Variants in PNMA6E observed in about 807,000 individuals in gnomAD.
The protein encoded by PNMA6E is paraneoplastic antigen Ma6E.
For synonymous variants in PNMA6E, 43 were observed against 17.1 expected, an observed-to-expected ratio of 2.52 and a Z score of -3.74; for missense variants, 78 against 50.8, an observed-to-expected ratio of 1.53 and a Z score of -1.63.
chrX:153,403,139 C>T (rs150228764), upstream of PNMA6E, among the ~76,000 whole-genome samples: 161 of 112,000 alleles, frequency 1.4e-3, no homozygotes, highest in African/African-American at 5.0e-3. Context: ...CATTCTCTCC[C>T]TTCTCTCCTA....
chrX:153,412,163 G>A, the PNMA6E span, among the ~76,000 whole-genome samples: 1 of 112,817 alleles, frequency 8.9e-6, no homozygotes, highest in African/African-American at 3.2e-5. Context: ...TCAGGTGGGG[G>A]CTGGTGCCTC....
the PNMA6E span, among the ~76,000 whole-genome samples, chrX:153,409,622 C>T: frequency 8.8e-6 from 1 of 113,184 alleles, no homozygotes; most frequent in Non-Finnish European, 1.9e-5. Context: ...GCGCTGCCGC[C>T]TCCACCACCA....
At chrX:153,411,422 T>G in the PNMA6E span, among the ~76,000 whole-genome samples, 1 of 102,146 alleles carries the variant, frequency 9.8e-6, no homozygotes, top group East Asian at 3.9e-4. Flanking sequence ...GCATGCTCCA[T>G]GCCCCCCCCA....
At position 153,397,464 on chromosome X, in the gene PNMA6E, G is replaced by A. The variant is rs782092407; in HGVS notation, c.1386C>T (p.Ser462=). ...LQQVLSWARP[S]EALQDTLRGM... ...CTCTCAGGGTATCCTGGAGTGCCTC[G>A]CTGGGGCGGGCCCAAGACAGCACCT... Residue 462 remains serine, a synonymous_variant, in exon 2 of 2, where the codon AGC becomes AGT. Transcript: ENST00000445091. The A allele has an allele frequency of 3.6e-4, 108 of 297,532 alleles. No individual in the cohort carries two copies. Among genetic ancestry groups the A allele is most frequent in the South Asian group, 2.0e-4 (1 of 5,013 alleles). 24.5% of individuals were successfully genotyped at this position (297,532 alleles called of 1,213,427 possible). A position where few individuals can be genotyped will look rare whatever the true frequency, so the allele number is the denominator to read the frequency against.
At chrX:153,401,784 GT>G (rs1323017549), upstream of PNMA6E, among the ~76,000 whole-genome samples, 2 of 100,375 alleles carry the variant, frequency 2.0e-5, no homozygotes, top group Non-Finnish European at 4.1e-5. Context: ...GTTTTGTTTT[GT>G]TTTTGTTTTT....
Position 153,398,164 on chromosome X carries a change from G to A in PNMA6E, c.686C>T (p.Ala229Val), listed in dbSNP as rs782473955. The change falls in exon 2 of 2, where the codon GCA (alanine) becomes GTA (valine). Residue 229 changes from alanine (A) to valine (V), a missense_variant. By Grantham distance (64) the Ala-to-Val change is moderately conservative. Transcript: ENST00000445091. ...EAGGVGEAGA[A>V]GEAGGAGEAG... ...CTCACCTGCGCCTCCTGCCTCACCT[G>A]CTGCTCCTGCCTCACCTACACCTCC... 2.0e-4 allele frequency: 84 copies of A among 412,164 alleles called. No homozygotes were observed. The African/African-American group carries it at 2.1e-3, about 10-fold the overall frequency. The allele number at this position is 412,164 out of a possible 1,213,427, so 34.0% of individuals were successfully genotyped here.
At chrX:153,407,708 C>G in the PNMA6E span, among the ~76,000 whole-genome samples, 1 of 111,396 alleles carries the variant, frequency 9.0e-6, no homozygotes, top group East Asian at 2.8e-4. Flanking sequence ...GTCCCTCCCC[C>G]ACGTGGCTCA....
At chrX:153,402,074 C>T (rs1415988364), upstream of PNMA6E, among the ~76,000 whole-genome samples, 10 of 110,881 alleles carry the variant, frequency 9.0e-5, no homozygotes, top group Non-Finnish European at 1.7e-4. Flanking sequence ...CCGCCCGCCT[C>T]GGCCTCCCAA....
chrX:153,410,351 C>T, the PNMA6E span, among the ~76,000 whole-genome samples: 1 of 111,969 alleles, frequency 8.9e-6, no homozygotes, highest in African/African-American at 3.3e-5. Flanking sequence ...ATGTATCTTT[C>T]AAGGGGCACC....
In PNMA6E at chrX:153,397,727, C is replaced by G; in HGVS notation, c.1123G>C (p.Val375Leu). The G allele has an allele frequency of 3.3e-6, 1 of 307,009 alleles. No individual in the cohort carries two copies. Among genetic ancestry groups the G allele is most frequent in the Non-Finnish European group, 5.7e-6 (1 of 175,801 alleles). 25.3% of individuals were successfully genotyped at this position (307,009 alleles called of 1,213,427 possible). A position where few individuals can be genotyped will look rare whatever the true frequency, so the allele number is the denominator to read the frequency against. Residue 375 changes from valine (V) to leucine (L), a missense_variant, in exon 2 of 2, where the codon GTG becomes CTG. By Grantham distance (32) the Val-to-Leu change is conservative. Coordinates refer to ENST00000445091, the MANE Select transcript of PNMA6E (RefSeq NM_001367770.1). ...GTATCTTCCTCCAGGAGGCCGCTCA[C>G]GACTTCCAGGGCCGGGCCGCCCAAG... Reference protein sequence around the residue: ...ESLGGPALEVVSGLLEEDTNL... With the variant: ...ESLGGPALEVLSGLLEEDTNL...
chrX:153,406,537 C>T, the PNMA6E span, among the ~76,000 whole-genome samples: 1 of 112,587 alleles, frequency 8.9e-6, no homozygotes, highest in Non-Finnish European at 1.9e-5. Context: ...GCTGAAAGGT[C>T]GGTGTGACTG....
Position 153,398,143 on chromosome X carries a change from C to T in PNMA6E, c.707G>A (p.Gly236Asp), listed in dbSNP as rs1421694546. The change falls in exon 2 of 2, where the codon GGT becomes GAT. Residue 236 changes from glycine (G) to aspartate (D), a missense_variant. Coordinates refer to ENST00000445091, the MANE Select transcript of PNMA6E (RefSeq NM_001367770.1). ...TGCCTCACCTGCTGCTCCTGCCTCA[C>T]CTGCGCCTCCTGCCTCACCTGCTGC... ...AGAAGEAGGA[G>D]EAGAAGEAGG... 4.5e-6 allele frequency: 2 copies of T among 440,706 alleles called. No individual in the cohort carries two copies. Among genetic ancestry groups the T allele is most frequent in the East Asian group, 3.9e-5 (1 of 25,702 alleles). The allele number at this position is 440,706 out of a possible 1,213,427, so 36.3% of individuals were successfully genotyped here.
chrX:153,407,120 C>T, the PNMA6E span, among the ~76,000 whole-genome samples: 1 of 112,783 alleles, frequency 8.9e-6, no homozygotes, highest in East Asian at 2.8e-4. Context: ...CAGGTGGGGA[C>T]ATGCCAGGCA....
At chrX:153,410,072 G>A in the PNMA6E span, among the ~76,000 whole-genome samples, 5 of 111,732 alleles carry the variant, frequency 4.5e-5, no homozygotes, top group South Asian at 1.9e-3. Context: ...CCGGAGTCCA[G>A]AATCGGGCGC....
chrX:153,404,984 A>G (rs1324371099), upstream of PNMA6E, among the ~76,000 whole-genome samples: 1 of 112,621 alleles, frequency 8.9e-6, no homozygotes, highest in Non-Finnish European at 1.9e-5. Context: ...TTAGTATTTC[A>G]TCCTGGTTTC....
Position 153,398,545 on chromosome X carries a change from A to G in PNMA6E, c.305T>C (p.Phe102Ser), listed in dbSNP as rs1379052674. 1 of 354,861 alleles carries G rather than the reference A, an allele frequency of 2.8e-6. No individual in the cohort carries two copies. The highest frequency in any genetic ancestry group is 4.9e-6 in the Non-Finnish European group (1 of 205,708). The allele number at this position is 354,861 out of a possible 1,213,427, so 29.2% of individuals were successfully genotyped here. ...TGCAGGAAAACTGGGCATATCCTGA[A>G]ACTCAATAACAGGTACTTGGGGCAG... is the stretch of plus-strand genomic sequence containing the variant. ...IFLPQVPVIEFQDMPSFPAQP... is the reference protein window; with the variant it reads ...IFLPQVPVIESQDMPSFPAQP... The change falls in exon 2 of 2, where the codon TTT (phenylalanine) becomes TCT (serine). Residue 102 changes from phenylalanine to serine, a missense_variant. Phe to Ser is a radical substitution (Grantham distance 155). Transcript: ENST00000445091.
upstream of PNMA6E, among the ~76,000 whole-genome samples, chrX:153,403,069 A>G (rs1163931442): frequency 8.9e-6 from 1 of 112,381 alleles, no homozygotes; most frequent in African/African-American, 3.2e-5. Context: ...TCTGTAAATT[A>G]TGTCTATCTC....
Position 153,396,117 on chromosome X carries a change from G to A in PNMA6E, c.*789C>T, listed in dbSNP as rs1395794006. The A allele has an allele frequency of 3.3e-5, 4 of 122,306 alleles. No homozygotes were observed. Among genetic ancestry groups the A allele is most frequent in the African/African-American group, 1.3e-4 (4 of 30,815 alleles). 10.1% of individuals were successfully genotyped at this position (122,306 alleles called of 1,213,427 possible). A position where few individuals can be genotyped will look rare whatever the true frequency, so the allele number is the denominator to read the frequency against. ...AGGGTCACCATCGTGGTCACGGGGT[G>A]AGCGTCCGCCGTGCCCTGGTGCCTC... On this transcript the variant is annotated 3_prime_UTR_variant, in exon 2 of 2. Coordinates refer to ENST00000445091, the MANE Select transcript of PNMA6E (RefSeq NM_001367770.1).
At chrX:153,408,138 C>T in the PNMA6E span, among the ~76,000 whole-genome samples, 617 of 112,724 alleles carry the variant, frequency 5.5e-3, no homozygotes, top group African/African-American at 0.018. Context: ...AGAGGGAGGC[C>T]GTCCTGGGAG....
Sources: allele counts gnomAD v4.1 joint callset (sites outside exome capture counted in the v4.1 genomes callset), GRCh38; gene constraint gnomAD v4.1.1; transcripts MANE v1.5; gene names NCBI Gene and HGNC (gene_info 2026-07-23, HGNC 2026-07-21).